The following CYP2J2 variants were observed in gnomAD, a reference collection of about 807,000 sequenced individuals.
The protein encoded by CYP2J2 is cytochrome P450 family 2 subfamily J member 2.
A neutral mutation model predicts 48.8 loss-of-function variants in CYP2J2; 41 were observed. That is an observed-to-expected ratio of 0.84 (90% CI 0.66 to 1.09). The LOEUF (loss-of-function observed/expected upper bound fraction) is 1.09. CYP2J2 is among the 50% of genes least tolerant of loss of function. The pLI is 0.00. For missense variants in CYP2J2, 644 were observed against 617.3 expected (o/e 1.04, Z -0.46); for synonymous variants, 221 against 227.1 (o/e 0.97, Z 0.24).
chr1:59,921,714 A>G (rs1467829787), intron 1 of CYP2J2, among the ~76,000 whole-genome samples: 5 of 151,278 alleles, frequency 3.3e-5, no homozygotes, highest in African/African-American at 4.8e-5. Context: ...ACAACCGGTT[A>G]GACCAAAAAT....
chr1:59,901,301 G>T (rs1644318028), intron 7 of CYP2J2, among the ~76,000 whole-genome samples, 198 bp from the exon 8 acceptor site: 1 of 152,156 alleles, frequency 6.6e-6, no homozygotes, highest in African/African-American at 2.4e-5. Flanking sequence ...AATTAGATTG[G>T]ATTTCCCTGC....
chr1:59,938,488 G>A, the CYP2J2 span, among the ~76,000 whole-genome samples: 1 of 152,238 alleles, frequency 6.6e-6, no homozygotes, highest in South Asian at 2.1e-4. Flanking sequence ...ACGTAGGCCA[G>A]ATTTATGCTT....
chr1:59,956,434 A>G, the CYP2J2 span, among the ~76,000 whole-genome samples: 1 of 152,122 alleles, frequency 6.6e-6, no homozygotes, highest in African/African-American at 2.4e-5. Flanking sequence ...ACTTATGAAT[A>G]TGAGTACAGT....
intron 1 of CYP2J2, among the ~76,000 whole-genome samples, chr1:59,918,359 C>G (rs1341937217): frequency 2.0e-5 from 3 of 152,122 alleles, no homozygotes; most frequent in Admixed American, 6.5e-5. Flanking sequence ...TTAGCTTGTA[C>G]TTGGGAGGGA....
chr1:59,952,934 T>A, the CYP2J2 span, among the ~76,000 whole-genome samples: 5 of 152,086 alleles, frequency 3.3e-5, no homozygotes, highest in African/African-American at 1.2e-4. Context: ...GGAAACAGGA[T>A]CAGGTACACA....
the CYP2J2 span, among the ~76,000 whole-genome samples, chr1:59,954,841 T>C: frequency 6.6e-6 from 1 of 152,122 alleles, no homozygotes; most frequent in East Asian, 1.9e-4. Flanking sequence ...TGATTTCTTA[T>C]ATATTTAAAA....
At chr1:59,941,783 T>C in the CYP2J2 span, among the ~76,000 whole-genome samples, 99 of 127,764 alleles carry the variant, frequency 7.7e-4, no homozygotes, top group African/African-American at 2.9e-3. Flanking sequence ...TAGAAAAACA[T>C]GTATAATGAC....
the CYP2J2 span, among the ~76,000 whole-genome samples, chr1:59,967,505 C>T: frequency 0.075 from 11,429 of 152,288 alleles, 462 homozygotes; most frequent in African/African-American, 0.11. Context: ...GTTTCCTTTC[C>T]AGACTGCTGG....
chr1:59,904,173 C>T (rs1349269512), intron 7 of CYP2J2, among the ~76,000 whole-genome samples: 1 of 152,100 alleles, frequency 6.6e-6, no homozygotes, highest in African/African-American at 2.4e-5. Context: ...GAGATCCAGA[C>T]CATCCTGGCC....
chr1:59,935,905 C>A, the CYP2J2 span, among the ~76,000 whole-genome samples: 2 of 152,188 alleles, frequency 1.3e-5, no homozygotes, highest in African/African-American at 4.8e-5. Context: ...TCCTGAGTAG[C>A]TGGGATTACT....
chr1:59,896,674 T>G (rs1347442701), intron 8 of CYP2J2, among the ~76,000 whole-genome samples: 2 of 152,042 alleles, frequency 1.3e-5, no homozygotes, highest in Admixed American at 1.3e-4. Flanking sequence ...CTGGGCTACA[T>G]TACCCCACAC....
In CYP2J2 at chr1:59,901,063, T is replaced by G. The variant is rs1574247041; in HGVS notation, c.1232A>C (p.Asp411Ala). ...GTCAGGGGTGGCCCACTCTGTGGGG[T>G]CCCTGTGCAGCGCCGTCAAATTGGT... ...ILTNLTALHR[D>A]PTEWATPDTF... The change falls in exon 8 of 9, where the codon GAC (aspartate) becomes GCC (alanine). Residue 411 changes from aspartate (D) to alanine (A), a missense_variant. Asp to Ala is a moderately radical substitution (Grantham distance 126). Transcript: ENST00000371204. The G allele has an allele frequency of 6.2e-7, 1 of 1,613,814 alleles. No individual in the cohort carries two copies. The highest frequency in any genetic ancestry group is 2.2e-5 in the East Asian group (1 of 44,862).
intron 8 of CYP2J2, among the ~76,000 whole-genome samples, chr1:59,899,632 C>G (rs1456980474): frequency 6.6e-6 from 1 of 152,120 alleles, no homozygotes; most frequent in Non-Finnish European, 1.5e-5. Context: ...GCAAGAACAC[C>G]CACTTTAGTT....
chr1:59,945,929 C>T, the CYP2J2 span, among the ~76,000 whole-genome samples: 1 of 152,240 alleles, frequency 6.6e-6, no homozygotes, highest in Non-Finnish European at 1.5e-5. Context: ...ACTGCCTCCA[C>T]TGCTAGCATC....
chr1:59,960,269 G>A, the CYP2J2 span, among the ~76,000 whole-genome samples: 1 of 152,194 alleles, frequency 6.6e-6, no homozygotes, highest in Non-Finnish European at 1.5e-5. Flanking sequence ...AATTCTCATG[G>A]AGAAACTCTG....
At chr1:59,929,883 G>A (rs904625077), upstream of CYP2J2, among the ~76,000 whole-genome samples, 3 of 152,036 alleles carry the variant, frequency 2.0e-5, no homozygotes, top group Non-Finnish European at 4.4e-5. Context: ...AAAATTTCAC[G>A]AAAAGCATTA....
At chr1:59,932,808 C>T in the CYP2J2 span, among the ~76,000 whole-genome samples, 7 of 151,172 alleles carry the variant, frequency 4.6e-5, 1 homozygote, top group East Asian at 1.4e-3. Context: ...TCAAGCAATT[C>T]TTGTGCCTCA....
chr1:59,899,995 G>A (rs533358735), intron 8 of CYP2J2, among the ~76,000 whole-genome samples: 18 of 152,286 alleles, frequency 1.2e-4, no homozygotes, highest in Non-Finnish European at 2.4e-4. Flanking sequence ...GTTCAATGTC[G>A]TGAGTTAAAA....
the CYP2J2 span, among the ~76,000 whole-genome samples, chr1:59,945,668 C>T: frequency 6.6e-6 from 1 of 152,112 alleles, no homozygotes; most frequent in Non-Finnish European, 1.5e-5. Context: ...TTTCAATTTT[C>T]ATTATACACT....
Sources: gnomAD v4.1 joint callset for allele counts (sites outside exome capture counted in the v4.1 genomes callset) on GRCh38, gnomAD v4.1.1 for gene constraint, MANE v1.5 for transcripts, NCBI Gene and HGNC (gene_info 2026-07-23, HGNC 2026-07-21) for gene names.